FHIP2B: variants seen among roughly 807,000 people sequenced by gnomAD.
FHIP2B encodes the protein FHF complex subunit HOOK interacting protein 2B.
FHIP2B carries 72 observed loss-of-function variants against 84.0 expected under a neutral mutation model. That is an observed-to-expected ratio of 0.86 (90% confidence interval 0.71 to 1.04). FHIP2B has a LOEUF of 1.04. Among genes scored for constraint, FHIP2B ranks in the 50% least tolerant of loss-of-function variants. The pLI, the probability that FHIP2B is intolerant of heterozygous loss-of-function variation, is 0.00. For missense variants in FHIP2B, 972 were observed against 968.9 expected (o/e 1.00, Z -0.04); for synonymous variants, 497 against 418.7 (o/e 1.19, Z -2.28).
chr8:22,100,970 C>T lies in FHIP2B; in HGVS notation c.1614C>T (p.Asn538=), dbSNP rs187167353. Residue 538 remains asparagine (N), a splice_region_variant and synonymous_variant, in exon 12 of 17, where the codon AAC becomes AAT. Coordinates refer to ENST00000289921, the MANE Select transcript of FHIP2B (RefSeq NM_022749.7). ...DGKTAVTEIV[N]SFLCLVPEEA... Reference sequence around the variant, plus strand: ...AAACAGCAGTGACCGAGATCGTCAACAGGTGGGGAGCAAGTTAGGCAGTCT... The same window carrying T: ...AAACAGCAGTGACCGAGATCGTCAATAGGTGGGGAGCAAGTTAGGCAGTCT... The T allele has an allele frequency of 3.1e-6, 5 of 1,613,716 alleles. No individual in the cohort carries two copies. The Admixed American group carries it at 6.7e-5, about 22-fold the overall frequency.
rs141464828 is a variant in FHIP2B, at chr8:22,100,754, C to T, written c.1487+15C>T. ...GAGGACACCCTGTAAGTGAAACCGG[C>T]GCCCTTTGGACTCAGCCCAGCCCTT... On this transcript the variant is annotated intron_variant, in intron 11 of 16. Transcript: ENST00000289921. 1.4e-5 allele frequency: 23 copies of T among 1,604,630 alleles called. 1 individual carries two copies. Among genetic ancestry groups the T allele is most frequent in the South Asian group, 7.7e-5 (7 of 90,364 alleles).
Position 22,104,831 on chromosome 8 carries a change from T to TAAAAAAAAAAAAAAAAAAAAAA in FHIP2B, c.*1918_*1919insAAAAAAAAAAAAAAAAAAAAAA, listed in dbSNP as rs60525064. 7.9e-5 allele frequency: 10 copies of TAAAAAAAAAAAAAAAAAAAAAA among 126,510 alleles called. No individual in the cohort carries two copies. The highest frequency in any genetic ancestry group is 2.5e-4 in the African/African-American group (8 of 31,978). The allele number at this position is 126,510 out of a possible 1,614,324, so 7.8% of individuals were successfully genotyped here. ...CTGGGCAATAGAGTAAGACCCTGTC[T>TAAAAAAAAAAAAAAAAAAAAAA]AAAAAAAAAAAAAAAAAATTTCACA... On this transcript the variant is annotated 3_prime_UTR_variant, in exon 17 of 17. Coordinates refer to ENST00000289921, the MANE Select transcript of FHIP2B (RefSeq NM_022749.7).
chr8:22,100,027 C>T, intron 10 of FHIP2B, 134 bp downstream of exon 10: 1 of 873,684 alleles, frequency 1.1e-6, no homozygotes, highest in Non-Finnish European at 1.7e-6. Flanking sequence ...CACTGCCGAG[C>T]CACTTTTATC....
chr8:22,098,421 A>G lies in FHIP2B; in HGVS notation c.769-2A>G. The G allele has an allele frequency of 6.3e-7, 1 of 1,590,422 alleles. No homozygotes were observed. Among genetic ancestry groups the G allele is most frequent in the Non-Finnish European group, 8.6e-7 (1 of 1,166,114 alleles). On this transcript the variant is annotated splice_acceptor_variant, in intron 6 of 16. Coordinates refer to ENST00000289921, the MANE Select transcript of FHIP2B (RefSeq NM_022749.7). LOFTEE classifies it high-confidence loss of function. ...CCCTGAAGTTGTATCCTCATCCCCT[A>G]GAAGAGTCGGGTGGCCTTGAAGGCC...
chr8:22,099,855 GCTCAT>G lies in FHIP2B; in HGVS notation c.1310_1314del (p.Leu437ArgfsTer4). 1.2e-6 allele frequency: 2 copies of G among 1,612,624 alleles called. No homozygotes were observed. The highest frequency in any genetic ancestry group is 1.7e-6 in the Non-Finnish European group (2 of 1,179,458). On this transcript the variant is annotated frameshift_variant, in exon 10 of 17. Transcript: ENST00000289921. LOFTEE classifies it high-confidence loss of function. Reference sequence around the variant, plus strand: ...CGGGGACAACCCCCACACCCTGTATGCTCATCTCATCGGGCATTGTGACCACCTCT... The same window carrying G: ...CGGGGACAACCCCCACACCCTGTATGCTCATCGGGCATTGTGACCACCTCT...
chr8:22,102,476 G>A, intron 15 of FHIP2B, 52 bp from the exon 16 acceptor site: 9 of 1,538,506 alleles, frequency 5.8e-6, no homozygotes, highest in Non-Finnish European at 7.9e-6. Context: ...AGGGCCAGGG[G>A]ACTCACTGGT....
intron 1 of FHIP2B, among the ~76,000 whole-genome samples, 176 bp downstream of exon 1, chr8:22,089,474 T>A (rs887827727): frequency 6.4e-4 from 97 of 151,182 alleles, no homozygotes; most frequent in African/African-American, 2.3e-3. Flanking sequence ...CCGCTTCCCC[T>A]CGCTCTTCCC....
In FHIP2B at chr8:22,102,621, G is replaced by A. The variant is rs1329593683; in HGVS notation, c.2086G>A (p.Gly696Arg). The A allele has an allele frequency of 6.4e-7, 1 of 1,562,634 alleles. No individual in the cohort carries two copies. The highest frequency in any genetic ancestry group is 1.2e-5 in the South Asian group (1 of 84,966). The change falls in exon 16 of 17, where the codon GGG becomes AGG. Residue 696 changes from glycine (G) to arginine (R), a missense_variant. Gly to Arg is a moderately radical substitution (Grantham distance 125). Coordinates refer to ENST00000289921, the MANE Select transcript of FHIP2B (RefSeq NM_022749.7). ...VRKQLTGQAP[G>R]EQLDHQTLLQ... ...CAAGCAGTTGACGGGCCAGGCTCCT[G>A]GGGAGCAGTGAGTACCAAGGGTGCC...
chr8:22,101,611 T>C lies in FHIP2B; in HGVS notation c.1707+81T>C, dbSNP rs1826119144. On this transcript the variant is annotated intron_variant, in intron 13 of 16. Coordinates refer to ENST00000289921, the MANE Select transcript of FHIP2B (RefSeq NM_022749.7). ...TAAGCTCTGGGTTCCGCCTCTCTCATCTGCCCAAGGACCCCAGCCCATCCC... is the reference window on the plus strand; with the variant it reads ...TAAGCTCTGGGTTCCGCCTCTCTCACCTGCCCAAGGACCCCAGCCCATCCC... 3.2e-6 allele frequency: 5 copies of C among 1,559,204 alleles called. No homozygotes were observed. In the South Asian group the frequency reaches 5.8e-5, roughly 18 times the overall value.
At chr8:22,100,292 C>T (rs1826032297) in intron 10 of FHIP2B, 1 of 397,470 alleles carries the variant, frequency 2.5e-6, no homozygotes, top group Non-Finnish European at 4.4e-6. Context: ...CTAACACGTA[C>T]TACTTCGTGA....
rs779748306 is a variant in FHIP2B, at chr8:22,099,338, C to A, written c.1129C>A (p.Leu377Met). The stretch of plus-strand genomic sequence containing the variant: ...GGCTGAGAACTTCTTCGTGGAGACC[C>A]TGCAGCCCCAGCTCCTGCACGTGTA... The part of the protein sequence containing the change: ...AVAENFFVET[L>M]QPQLLHVSEQ... The change falls in exon 9 of 17, where the codon CTG (leucine) becomes ATG (methionine). Residue 377 changes from leucine (L) to methionine (M), a missense_variant. Leu to Met is a conservative substitution (Grantham distance 15). Transcript: ENST00000289921. The A allele has an allele frequency of 6.2e-7, 1 of 1,613,706 alleles. No homozygotes were observed. The highest frequency in any genetic ancestry group is 1.1e-5 in the South Asian group (1 of 90,986).
At chr8:22,089,776 T>A in intron 1 of FHIP2B, 1 of 1,285,506 alleles carries the variant, frequency 7.8e-7, no homozygotes, top group Non-Finnish European at 1.0e-6. Flanking sequence ...TCCAGGACCT[T>A]GTTGGGGTGC....
chr8:22,090,597 C>G (rs555456717), intron 1 of FHIP2B, among the ~76,000 whole-genome samples: 1 of 152,298 alleles, frequency 6.6e-6, no homozygotes, highest in East Asian at 1.9e-4. Flanking sequence ...CCAGACAGTT[C>G]CTCAGTCCTG....
At chr8:22,089,373 C>A in intron 1 of FHIP2B, 75 bp downstream of exon 1, 2 of 912,218 alleles carry the variant, frequency 2.2e-6, no homozygotes, top group Non-Finnish European at 2.6e-6. Flanking sequence ...CGGAGCCGGG[C>A]GCGGCCCGCA....
In FHIP2B at chr8:22,103,415, C is replaced by CT. The variant is rs1049952731; in HGVS notation, c.*485dup. ...TGAGACCTGACATTTTGTCCCCTGCCTACATGGCTTGGCCCATGGAGAAGG... is the reference window on the plus strand; with the variant it reads ...TGAGACCTGACATTTTGTCCCCTGCCTTACATGGCTTGGCCCATGGAGAAGG... On this transcript the variant is annotated 3_prime_UTR_variant, in exon 17 of 17. Transcript: ENST00000289921. The CT allele has an allele frequency of 3.9e-5, 6 of 154,590 alleles. No homozygotes were observed. The highest frequency in any genetic ancestry group is 1.4e-4 in the African/African-American group (6 of 41,540). The allele number at this position is 154,590 out of a possible 1,614,324, so 9.6% of individuals were successfully genotyped here.
Position 22,097,797 on chromosome 8 carries a change from CA to C in FHIP2B, c.485del (p.Lys162ArgfsTer19). The C allele has an allele frequency of 1.9e-6, 3 of 1,613,612 alleles. No homozygotes were observed. The highest frequency in any genetic ancestry group is 2.5e-6 in the Non-Finnish European group (3 of 1,179,842). On this transcript the variant is annotated frameshift_variant, in exon 5 of 17. Coordinates refer to ENST00000289921, the MANE Select transcript of FHIP2B (RefSeq NM_022749.7). LOFTEE classifies it high-confidence loss of function. ...EVQFTTVLCS[K>X]IQQDPELLAY... ...TGCAGTTCACCACCGTCCTCTGCTC[CA>C]AGATCCAGCAGGACCCAGAGCTGCT...
Position 22,094,474 on chromosome 8 carries a change from T to C in FHIP2B, c.80T>C (p.Val27Ala), listed in dbSNP as rs1206610082. 3 of 1,611,494 alleles carry C rather than the reference T, an allele frequency of 1.9e-6. No homozygotes were observed. The highest frequency in any genetic ancestry group is 1.3e-5 in the African/African-American group (1 of 74,688). ...AGCATTGACCTGCTGCAGGCCTTCG[T>C]GGAGCACTGGAAGGGCATCACGCAC... ...EPSIDLLQAF[V>A]EHWKGITHYY... Residue 27 changes from valine (V) to alanine (A), a missense_variant, in exon 2 of 17, where the codon GTG becomes GCG. Transcript: ENST00000289921.
intron 4 of FHIP2B, 29 bp from the exon 5 acceptor site, chr8:22,097,688 C>A: frequency 1.2e-6 from 2 of 1,610,968 alleles, no homozygotes; most frequent in African/African-American, 1.3e-5. Flanking sequence ...ACCCCTCTCC[C>A]CTCTGTTTCT....
intron 7 of FHIP2B, among the ~76,000 whole-genome samples, 159 bp from the exon 8 acceptor site, chr8:22,098,789 A>C (rs1241288315): frequency 6.6e-6 from 1 of 152,130 alleles, no homozygotes; most frequent in African/African-American, 2.4e-5. Context: ...CCAGGGAAGT[A>C]CTGGTTTTGC....
Sources: gnomAD v4.1 joint callset for allele counts (sites outside exome capture counted in the v4.1 genomes callset) on GRCh38, gnomAD v4.1.1 for gene constraint, MANE v1.5 for transcripts, NCBI Gene and HGNC (gene_info 2026-07-23, HGNC 2026-07-21) for gene names.